The following FBXW8 variants were observed in gnomAD, a reference collection of about 807,000 sequenced individuals.
FBXW8 encodes F-box and WD repeat domain containing 8, also known as F-box/WD repeat-containing protein 8.
In FBXW8, 57 loss-of-function variants were observed where a neutral mutation model predicts 65.3. The ratio of observed to expected loss-of-function variants is 0.87; its 90% CI spans 0.71 to 1.09. FBXW8 has a LOEUF of 1.09. Among genes scored for constraint, FBXW8 ranks in the 50% least tolerant of loss-of-function variants. The pLI is 0.00. For synonymous variants in FBXW8, 308 were observed against 330.2 expected (o/e 0.93, Z 0.73); for missense variants, 777 against 814.8 (o/e 0.95, Z 0.57).
chr12:116,974,036 G>A (rs1884782148), intron 5 of FBXW8, among the ~76,000 whole-genome samples: 1 of 152,198 alleles, frequency 6.6e-6, no homozygotes, highest in African/African-American at 2.4e-5. Flanking sequence ...AACATGGTGA[G>A]GCCCACAGTT....
intron 7 of FBXW8, among the ~76,000 whole-genome samples, chr12:116,995,145 G>C (rs1219372579): frequency 6.6e-6 from 1 of 152,208 alleles, no homozygotes; most frequent in Non-Finnish European, 1.5e-5. Context: ...ACTTCATCTA[G>C]AATCAGTGTA....
At chr12:116,924,438 C>G (rs1015871707) in intron 1 of FBXW8, among the ~76,000 whole-genome samples, 27 of 152,156 alleles carry the variant, frequency 1.8e-4, no homozygotes, top group Non-Finnish European at 7.4e-5. Context: ...CATTCAAAAT[C>G]TGTTCTTCTA....
At position 116,936,573 on chromosome 12, in the gene FBXW8, A is replaced by G. The variant is rs1454565404; in HGVS notation, c.423+8446A>G. ...GGCCTTGAAGGTGGAGGAAGGGGCC[A>G]CAAACCAAGGAATGTAGGTAGCTTG... On this transcript the variant is annotated intron_variant, in intron 2 of 10. Transcript: ENST00000652555. This position sits in a 1 kb window ranked among gnomAD's most constrained non-coding sequence, Gnocchi z 4.6. Among the ~76,000 whole-genome samples, 1 of 152,192 alleles carries G rather than the reference A, an allele frequency of 6.6e-6. No individual in the cohort carries two copies. The highest frequency in any genetic ancestry group is 2.1e-4 in the South Asian group (1 of 4,830).
At chr12:116,992,966 C>T (rs1953283445) in intron 7 of FBXW8, among the ~76,000 whole-genome samples, 1 of 152,020 alleles carries the variant, frequency 6.6e-6, no homozygotes, top group South Asian at 2.1e-4. Context: ...GATCAAATGG[C>T]AGATCTGCTT....
At chr12:116,929,594 T>G (rs534518402) in intron 2 of FBXW8, among the ~76,000 whole-genome samples, 1 of 152,212 alleles carries the variant, frequency 6.6e-6, no homozygotes, top group Admixed American at 6.5e-5. Flanking sequence ...TAAAGTTATA[T>G]ATATGTATCA....
At chr12:116,916,028 A>C (rs372814647) in intron 1 of FBXW8, among the ~76,000 whole-genome samples, 2 of 152,218 alleles carry the variant, frequency 1.3e-5, no homozygotes, top group Middle Eastern at 3.4e-3. Context: ...GCACATACTC[A>C]TGTGTCTTTG....
chr12:116,916,827 G>A (rs911845278), intron 1 of FBXW8, among the ~76,000 whole-genome samples: 1 of 152,102 alleles, frequency 6.6e-6, no homozygotes, highest in Admixed American at 6.5e-5. Context: ...GAGCTCACTC[G>A]TGTGTCTGAG....
intron 4 of FBXW8, among the ~76,000 whole-genome samples, chr12:116,963,849 A>C (rs1884141944): frequency 6.6e-6 from 1 of 152,126 alleles, no homozygotes; most frequent in Non-Finnish European, 1.5e-5. Flanking sequence ...GGCATTTCTC[A>C]CCACTTTTCC....
At chr12:116,925,934 A>G (rs768440210) in intron 1 of FBXW8, among the ~76,000 whole-genome samples, 19 of 152,182 alleles carry the variant, frequency 1.2e-4, no homozygotes, top group Non-Finnish European at 2.4e-4. Flanking sequence ...CTGAACCTCC[A>G]TGCTGGGTTG....
intron 8 of FBXW8, among the ~76,000 whole-genome samples, chr12:117,020,323 T>G: frequency 6.6e-6 from 1 of 151,712 alleles, no homozygotes; most frequent in East Asian, 1.9e-4. Context: ...TCTTTGTGTT[T>G]CCCCATTTTT....
chr12:116,963,903 G>A (rs1027554104), intron 4 of FBXW8, among the ~76,000 whole-genome samples: 1 of 152,172 alleles, frequency 6.6e-6, no homozygotes, highest in African/African-American at 2.4e-5. Flanking sequence ...AAAACCCTCT[G>A]CAGCAGACAT....
chr12:116,997,762 A>AGC (rs1953409820), intron 7 of FBXW8, among the ~76,000 whole-genome samples: 1 of 152,210 alleles, frequency 6.6e-6, no homozygotes, highest in Non-Finnish European at 1.5e-5. Context: ...CTGTAGGTAT[A>AGC]GCGGCCCATG....
chr12:117,017,520 C>T (rs1261433862), intron 8 of FBXW8, among the ~76,000 whole-genome samples: 1 of 152,070 alleles, frequency 6.6e-6, no homozygotes. Flanking sequence ...TCACCAAAGG[C>T]CATTGTCAGT....
intron 1 of FBXW8, among the ~76,000 whole-genome samples, chr12:116,926,886 G>A (rs1593046267): frequency 1.3e-5 from 2 of 152,028 alleles, no homozygotes; most frequent in East Asian, 1.9e-4. Flanking sequence ...TCTTTACTGT[G>A]AGTCTTGGTA....
At chr12:116,970,640 A>G (rs1219894776) in intron 5 of FBXW8, among the ~76,000 whole-genome samples, 1 of 152,184 alleles carries the variant, frequency 6.6e-6, no homozygotes, top group Non-Finnish European at 1.5e-5. Context: ...TTTTGCTTGT[A>G]TCTTTTGTTT....
At chr12:116,962,843 G>A (rs915732396) in intron 4 of FBXW8, among the ~76,000 whole-genome samples, 2 of 152,138 alleles carry the variant, frequency 1.3e-5, no homozygotes, top group Non-Finnish European at 2.9e-5. Flanking sequence ...GGCCTGAGTC[G>A]TTCTCAGGGT....
chr12:117,024,422 C>T (rs573731730), intron 9 of FBXW8, 102 bp downstream of exon 9: 32 of 1,374,210 alleles, frequency 2.3e-5, no homozygotes, highest in Admixed American at 1.6e-4. Flanking sequence ...CCCTACCCCC[C>T]GGCTTCGCCA....
intron 1 of FBXW8, among the ~76,000 whole-genome samples, chr12:116,912,712 C>T (rs1191739033): frequency 6.6e-6 from 1 of 152,076 alleles, no homozygotes; most frequent in African/African-American, 2.4e-5. Context: ...ATCCGCCCGC[C>T]TCGGCCTCCC....
intron 1 of FBXW8, 81 bp downstream of exon 1, chr12:116,911,436 G>GTAAC: frequency 9.9e-7 from 1 of 1,005,424 alleles, no homozygotes; most frequent in Non-Finnish European, 1.3e-6. Context: ...GATTTGGAGA[G>GTAAC]TAACTGTGTG....
Sources: allele counts gnomAD v4.1 joint callset (sites outside exome capture counted in the v4.1 genomes callset), GRCh38; gene constraint gnomAD v4.1.1; non-coding constraint Gnocchi (gnomAD v3.1); transcripts MANE v1.5; gene names NCBI Gene and HGNC (gene_info 2026-07-23, HGNC 2026-07-21).